BCR: variants seen among roughly 807,000 people sequenced by gnomAD.
BCR encodes BCR activator of RhoGEF and GTPase.
In BCR, 58 loss-of-function variants were observed where a neutral mutation model predicts 138.6. The ratio of observed to expected loss-of-function variants is 0.42; its 90% confidence interval spans 0.34 to 0.52. BCR has a LOEUF of 0.52. BCR is among the 20% of genes least tolerant of loss of function. BCR has a pLI of 0.06. For missense variants in BCR, 1,599 were observed against 1,727.2 expected, an observed-to-expected ratio of 0.93 and a Z score of 1.32; for synonymous variants, 786 against 730.1, an observed-to-expected ratio of 1.08 and a Z score of -1.23.
At chr22:23,264,295 C>G (rs1217805802) in intron 4 of BCR, 3 of 948,378 alleles carry the variant, frequency 3.2e-6, no homozygotes, top group African/African-American at 1.6e-5. Flanking sequence ...CTGCATCTCA[C>G]CACCAAGCAT....
intron 1 of BCR, among the ~76,000 whole-genome samples, chr22:23,248,765 C>G (rs1174542189): frequency 6.6e-6 from 1 of 152,150 alleles, no homozygotes; most frequent in African/African-American, 2.4e-5. Flanking sequence ...TTCCATGCCC[C>G]CACCTTCTAC....
At chr22:23,249,303 A>T (rs535067452) in intron 1 of BCR, among the ~76,000 whole-genome samples, 1 of 151,932 alleles carries the variant, frequency 6.6e-6, no homozygotes, top group Non-Finnish European at 1.5e-5. Context: ...GTGGTGGCGC[A>T]CGCCTGTAGT....
intron 1 of BCR, among the ~76,000 whole-genome samples, chr22:23,189,889 G>A (rs1319474918): frequency 2.0e-5 from 3 of 152,322 alleles, no homozygotes; most frequent in East Asian, 3.9e-4. Flanking sequence ...TAGCAATGGC[G>A]ATCTTCCCTG....
At chr22:23,213,376 G>C (rs1188721362) in intron 1 of BCR, among the ~76,000 whole-genome samples, 1 of 152,196 alleles carries the variant, frequency 6.6e-6, no homozygotes, top group Non-Finnish European at 1.5e-5. Flanking sequence ...GAGGTGTGGA[G>C]AGTCGTTCCC....
At chr22:23,288,316 G>T in intron 12 of BCR, 144 bp downstream of exon 12, 1 of 860,780 alleles carries the variant, frequency 1.2e-6, no homozygotes, top group East Asian at 2.7e-5. Flanking sequence ...TAGAAAAGAA[G>T]TTGGCGACAG....
rs776748529 is a variant in BCR, at chr22:23,292,618, G to A, written c.2860G>A (p.Ala954Thr). ...KAKTRVYRDT[A>T]EPNWNEEFEI... ...AAAGACGCGCGTCTACAGGGACACAGCTGAGCCAAACTGGAACGAGGTGAG... is the reference window on the plus strand; with the variant it reads ...AAAGACGCGCGTCTACAGGGACACAACTGAGCCAAACTGGAACGAGGTGAG... Residue 954 changes from alanine (A) to threonine (T), a missense_variant, in exon 15 of 23, where the codon GCT becomes ACT. By Grantham distance (58) the Ala-to-Thr change is moderately conservative (BLOSUM62 0). Coordinates refer to ENST00000305877, the MANE Select transcript of BCR (RefSeq NM_004327.4). 51 of 1,612,372 alleles carry A rather than the reference G, an allele frequency of 3.2e-5. No homozygotes were observed. The highest frequency in any genetic ancestry group is 3.0e-5 in the Non-Finnish European group (35 of 1,179,060).
In BCR at chr22:23,297,231, TTTTTTTC is replaced by T. The variant is rs1568979600; in HGVS notation, c.3012+2077_3012+2083del. 4.8e-4 allele frequency among the ~76,000 whole-genome samples: 68 copies of T among 141,636 alleles called. 4 individuals carry two copies. Among genetic ancestry groups the T allele is most frequent in the African/African-American group, 1.7e-3 (62 of 36,180 alleles). 92.9% of individuals were successfully genotyped at this position (141,636 alleles called of 152,430 possible). A position where few individuals can be genotyped will look rare whatever the true frequency, so the allele number is the denominator to read the frequency against. On this transcript the variant is annotated intron_variant, in intron 16 of 22. Coordinates refer to ENST00000305877, the MANE Select transcript of BCR (RefSeq NM_004327.4). ...TGTTTTTTGTTTTTTGTTTTTTTTT[TTTTTTTC>T]GAGACAGAGTTTTGCTCTTGTTGCC...
At chr22:23,261,585 C>T (rs1430034875) in intron 4 of BCR, 45 bp downstream of exon 4, 1 of 1,586,860 alleles carries the variant, frequency 6.3e-7, no homozygotes. Flanking sequence ...CGTGTACCAC[C>T]ACGTCCAGCT....
intron 7 of BCR, 150 bp downstream of exon 7, chr22:23,273,283 G>A (rs977413552): frequency 1.1e-6 from 1 of 886,256 alleles, no homozygotes; most frequent in South Asian, 1.6e-5. Flanking sequence ...GGTGGTGTTG[G>A]ACATTCTGTA....
chr22:23,270,233 G>A (rs997599539), intron 5 of BCR, among the ~76,000 whole-genome samples: 1 of 152,104 alleles, frequency 6.6e-6, no homozygotes, highest in Non-Finnish European at 1.5e-5. Flanking sequence ...GTCTTCTCCT[G>A]GGACAGTCCT....
intron 8 of BCR, among the ~76,000 whole-genome samples, chr22:23,276,501 C>T (rs1278925145): frequency 2.0e-5 from 3 of 152,028 alleles, no homozygotes; most frequent in Non-Finnish European, 4.4e-5. Flanking sequence ...GGCACTTGCT[C>T]ATTGAGGAGG....
chr22:23,182,210 A>G lies in BCR; in HGVS notation c.1250A>G (p.Asp417Gly). Residue 417 changes from aspartate to glycine, a missense_variant, in exon 1 of 23, where the codon GAT becomes GGT. Transcript: ENST00000305877. ...VRKTGQIWPN[D>G]GEGAFHGDAD... Reference sequence around the variant, plus strand: ...AAGACCGGGCAGATCTGGCCCAACGATGGCGAGGGCGCCTTCCATGGAGAC... The same window carrying G: ...AAGACCGGGCAGATCTGGCCCAACGGTGGCGAGGGCGCCTTCCATGGAGAC... 1 of 1,583,818 alleles carries G rather than the reference A, an allele frequency of 6.3e-7. No homozygotes were observed. The highest frequency in any genetic ancestry group is 8.6e-7 in the Non-Finnish European group (1 of 1,168,484).
intron 16 of BCR, among the ~76,000 whole-genome samples, chr22:23,304,682 C>G (rs897656031): frequency 1.3e-5 from 2 of 152,140 alleles, no homozygotes; most frequent in South Asian, 4.1e-4. Flanking sequence ...TCTTACATCC[C>G]CAGTGGCCAT....
chr22:23,195,102 T>C (rs548929292), intron 1 of BCR, among the ~76,000 whole-genome samples: 2 of 149,122 alleles, frequency 1.3e-5, no homozygotes, highest in South Asian at 2.1e-4. Flanking sequence ...CATGGTGAAA[T>C]GTCGTCTCTA....
Position 23,181,788 on chromosome 22 carries a change from C to T in BCR, c.828C>T (p.Tyr276=), listed in dbSNP as rs374270061. Residue 276 remains tyrosine (Y), a synonymous_variant, in exon 1 of 23, where the codon TAC becomes TAT. Transcript: ENST00000305877. ...GGCCCCCTTGGCCGCCCCTGGAGTA[C>T]CAGCCCTACCAGAGCATCTACGTCG... ...GSRPPWPPLE[Y]QPYQSIYVGG... 1.9e-6 allele frequency: 3 copies of T among 1,608,446 alleles called. No individual in the cohort carries two copies. The highest frequency in any genetic ancestry group is 1.7e-6 in the Non-Finnish European group (2 of 1,179,976).
At chr22:23,293,558 G>T (rs969920928) in intron 15 of BCR, among the ~76,000 whole-genome samples, 2 of 152,186 alleles carry the variant, frequency 1.3e-5, no homozygotes, top group Admixed American at 1.3e-4. Context: ...TGTGATGAGA[G>T]GGGGTATAAG....
chr22:23,194,946 C>G (rs2072459847), intron 1 of BCR, among the ~76,000 whole-genome samples: 1 of 151,990 alleles, frequency 6.6e-6, no homozygotes, highest in Non-Finnish European at 1.5e-5. Flanking sequence ...AAGACCCTAT[C>G]TCTAAAAAGG....
chr22:23,188,893 G>T (rs1275355753), intron 1 of BCR, among the ~76,000 whole-genome samples: 1 of 151,992 alleles, frequency 6.6e-6, no homozygotes, highest in African/African-American at 2.4e-5. Flanking sequence ...TCAAGACGGG[G>T]TCTCACTCTG....
chr22:23,211,198 ATTTG>A (rs1170783976), intron 1 of BCR, among the ~76,000 whole-genome samples: 7 of 151,866 alleles, frequency 4.6e-5, no homozygotes, highest in Admixed American at 4.6e-4. Context: ...TTCTTTTTTT[ATTTG>A]TTTGTTTTTT....
Sources: allele counts gnomAD v4.1 joint callset (sites outside exome capture counted in the v4.1 genomes callset), GRCh38; gene constraint gnomAD v4.1.1; transcripts MANE v1.5; gene names NCBI Gene and HGNC (gene_info 2026-07-23, HGNC 2026-07-21).